The following EML6 variants were observed in gnomAD, a reference collection of about 807,000 sequenced individuals.
EML6 encodes EMAP like 6.
In EML6, 154 loss-of-function variants were observed where a neutral mutation model predicts 240.1. The observed-to-expected ratio is 0.64, with a 90% CI of 0.56 to 0.73. EML6 has a LOEUF of 0.73. Among genes scored for constraint, EML6 ranks in the 30% least tolerant of loss-of-function variants. EML6 has a pLI of 0.00. For synonymous variants in EML6, 1,148 were observed against 899.0 expected, an observed-to-expected ratio of 1.28 and a Z score of -4.95; for missense variants, 2,964 against 2,474.6, an observed-to-expected ratio of 1.20 and a Z score of -4.20.
At chr2:54,869,453 C>T in intron 15 of EML6, 86 bp downstream of exon 15, 1 of 1,034,948 alleles carries the variant, frequency 9.7e-7, no homozygotes, top group Non-Finnish European at 1.4e-6. Flanking sequence ...TCAAGAAATG[C>T]TTGGTAGAAA....
chr2:54,811,966 T>C (rs913668882), intron 2 of EML6, among the ~76,000 whole-genome samples: 1 of 152,342 alleles, frequency 6.6e-6, no homozygotes, highest in South Asian at 2.1e-4. Flanking sequence ...TTCCTGAAGA[T>C]ATATTTTCCA....
intron 37 of EML6, 60 bp downstream of exon 37, chr2:54,964,218 T>A: frequency 2.0e-6 from 3 of 1,492,564 alleles, no homozygotes; most frequent in Non-Finnish European, 2.7e-6. Flanking sequence ...TTACCAGTGG[T>A]TCCCATTCCA....
chr2:54,880,704 A>G (rs1044447043), intron 17 of EML6: 1 of 152,168 alleles, frequency 6.6e-6, no homozygotes. Flanking sequence ...CCTCACTGTC[A>G]TTCCACTCCC....
intron 21 of EML6, among the ~76,000 whole-genome samples, chr2:54,898,409 G>T (rs1672882777): frequency 6.6e-6 from 1 of 152,176 alleles, no homozygotes; most frequent in Non-Finnish European, 1.5e-5. Context: ...AGTCTGGGAA[G>T]ATGTGAGGTT....
At chr2:54,753,275 A>C (rs1047664100) in intron 2 of EML6, among the ~76,000 whole-genome samples, 5 of 152,218 alleles carry the variant, frequency 3.3e-5, no homozygotes, top group African/African-American at 9.7e-5. Context: ...AACATTGAGC[A>C]CTAGTGTAGT....
chr2:54,966,748 A>G (rs184525677), intron 38 of EML6: 5 of 257,368 alleles, frequency 1.9e-5, no homozygotes, highest in Non-Finnish European at 3.8e-5. Context: ...CTGGTCGGGA[A>G]CCACACTCAG....
chr2:54,775,431 C>T (rs1249956316), intron 2 of EML6, among the ~76,000 whole-genome samples: 3 of 152,294 alleles, frequency 2.0e-5, no homozygotes, highest in African/African-American at 4.8e-5. Flanking sequence ...CTCCTCCCCT[C>T]GATTTGGCCT....
chr2:54,842,346 GA>G (rs1366327281), intron 7 of EML6, among the ~76,000 whole-genome samples: 3 of 152,168 alleles, frequency 2.0e-5, no homozygotes, highest in Non-Finnish European at 4.4e-5. Flanking sequence ...TTCAACATAA[GA>G]AAGCTGCTTC....
chr2:54,942,816 G>A (rs997715600), intron 28 of EML6, among the ~76,000 whole-genome samples: 2 of 152,012 alleles, frequency 1.3e-5, no homozygotes. Context: ...TCTCATTCCC[G>A]GGTACACCTG....
Position 54,892,756 on chromosome 2 carries a change from C to T in EML6, c.2742+100C>T, listed in dbSNP as rs535714842. 51 of 824,898 alleles carry T rather than the reference C, an allele frequency of 6.2e-5. No individual in the cohort carries two copies. The South Asian group carries it at 9.3e-4, about 15-fold the overall frequency. 51.1% of individuals were successfully genotyped at this position (824,898 alleles called of 1,614,324 possible). Reference sequence around the variant, plus strand: ...GAGGATGCCTGTATCTAAAACAGGCCTGTCTGAATTAGGAAGTAGTTGTCA... The same window carrying T: ...GAGGATGCCTGTATCTAAAACAGGCTTGTCTGAATTAGGAAGTAGTTGTCA... On this transcript the variant is annotated intron_variant, in intron 19 of 41. Coordinates refer to ENST00000356458, the MANE Select transcript of EML6 (RefSeq NM_001039753.4).
intron 2 of EML6, among the ~76,000 whole-genome samples, chr2:54,738,972 G>C (rs1387756820): frequency 6.6e-6 from 1 of 152,174 alleles, no homozygotes; most frequent in African/African-American, 2.4e-5. Flanking sequence ...GCCAGATGCG[G>C]TGGCTCACTC....
chr2:54,954,455 G>A (rs1201994847), intron 32 of EML6, among the ~76,000 whole-genome samples: 1 of 152,126 alleles, frequency 6.6e-6, no homozygotes, highest in African/African-American at 2.4e-5. Flanking sequence ...CAGCCTCCCC[G>A]ACATCTGTCT....
intron 7 of EML6, among the ~76,000 whole-genome samples, chr2:54,829,730 A>T (rs981946189): frequency 1.3e-5 from 2 of 152,340 alleles, no homozygotes; most frequent in Middle Eastern, 3.4e-3. Flanking sequence ...AGGAGATGGG[A>T]TTGTCAGTGA....
At chr2:54,912,625 C>G (rs1277447216) in intron 25 of EML6, among the ~76,000 whole-genome samples, 1 of 152,140 alleles carries the variant, frequency 6.6e-6, no homozygotes, top group African/African-American at 2.4e-5. Context: ...TGTGTGTACC[C>G]AATGCTTTAT....
intron 16 of EML6, among the ~76,000 whole-genome samples, chr2:54,873,128 A>G (rs933726456): frequency 1.3e-5 from 2 of 152,206 alleles, no homozygotes; most frequent in African/African-American, 4.8e-5. Flanking sequence ...TACTACTAGA[A>G]TTTTACATTA....
In EML6 at chr2:54,967,079, A is replaced by G; in HGVS notation, c.5573A>G (p.Lys1858Arg). 1 of 1,551,394 alleles carries G rather than the reference A, an allele frequency of 6.4e-7. No individual in the cohort carries two copies. Among genetic ancestry groups the G allele is most frequent in the Non-Finnish European group, 8.7e-7 (1 of 1,146,766 alleles). The change falls in exon 39 of 42, where the codon AAG becomes AGG. Residue 1858 changes from lysine to arginine, a missense_variant. Coordinates refer to ENST00000356458, the MANE Select transcript of EML6 (RefSeq NM_001039753.4). Reference sequence around the variant, plus strand: ...GTAACTGAAGCCGTGGTCATTGAGAAGATCACCTGGGCCTCCTGGACAAGG... The same window carrying G: ...GTAACTGAAGCCGTGGTCATTGAGAGGATCACCTGGGCCTCCTGGACAAGG... ...KQVTEAVVIE[K>R]ITWASWTSVL...
intron 28 of EML6, among the ~76,000 whole-genome samples, chr2:54,935,250 G>A (rs1675077732): frequency 6.6e-6 from 1 of 152,106 alleles, no homozygotes; most frequent in Admixed American, 6.5e-5. Context: ...CTTATCTTTG[G>A]TGTTCCTGTC....
chr2:54,896,344 T>C (rs917851436), intron 21 of EML6, among the ~76,000 whole-genome samples: 1 of 152,202 alleles, frequency 6.6e-6, no homozygotes, highest in African/African-American at 2.4e-5. Flanking sequence ...GGCCTCACTA[T>C]AGTCTCAGCC....
At position 54,860,294 on chromosome 2, in the gene EML6, G is replaced by C. The variant is rs190016317; in HGVS notation, c.1825+593G>C. ...GGAGTAGAGGGAGTTAGACATTTGG[G>C]AGTCTCTAGACCATGGGAAAGAAGC... On this transcript the variant is annotated intron_variant, in intron 12 of 41. Coordinates refer to ENST00000356458, the MANE Select transcript of EML6 (RefSeq NM_001039753.4). 1.1e-4 allele frequency among the ~76,000 whole-genome samples: 17 copies of C among 152,240 alleles called. No homozygotes were observed. The East Asian group carries it at 3.3e-3, about 29-fold the overall frequency.
Sources: gnomAD v4.1 joint callset for allele counts (sites outside exome capture counted in the v4.1 genomes callset) on GRCh38, gnomAD v4.1.1 for gene constraint, MANE v1.5 for transcripts, NCBI Gene and HGNC (gene_info 2026-07-23, HGNC 2026-07-21) for gene names.